Variants in ITK observed in about 807,000 individuals in gnomAD.
ITK encodes IL2 inducible T cell kinase.
Under a neutral mutation model 87.6 loss-of-function variants are expected in ITK, and 45 were observed. The observed-to-expected ratio is 0.51, with a 90% CI of 0.40 to 0.66. The LOEUF (loss-of-function observed/expected upper bound fraction) is 0.66. Ranked by LOEUF, ITK falls within the 30% of genes least tolerant of loss-of-function variation. ITK has a pLI of 0.00. For missense variants in ITK, 605 were observed against 766.3 expected, an observed-to-expected ratio of 0.79 and a Z score of 2.48; for synonymous variants, 303 against 273.6, an observed-to-expected ratio of 1.11 and a Z score of -1.06.
chr5:157,241,938 G>A (rs1037682765), intron 11 of ITK, among the ~76,000 whole-genome samples: 2 of 152,190 alleles, frequency 1.3e-5, no homozygotes, highest in Non-Finnish European at 2.9e-5. Flanking sequence ...AGTGGCCATT[G>A]GTTTTAGTGA....
rs777088703 is a variant in ITK, at chr5:157,253,855, A to G, written c.*1177A>G. 4.1e-4 allele frequency: 91 copies of G among 222,434 alleles called. No homozygotes were observed. The highest frequency in any genetic ancestry group is 6.5e-4 in the Non-Finnish European group (73 of 111,524). The allele number at this position is 222,434 out of a possible 1,614,324, so 13.8% of individuals were successfully genotyped here. A position where few individuals can be genotyped will look rare whatever the true frequency, so the allele number is the denominator to read the frequency against. On this transcript the variant is annotated 3_prime_UTR_variant, in exon 17 of 17. Transcript: ENST00000422843. The stretch of plus-strand genomic sequence containing the variant: ...GCTTCCAAGAGGCATGAGAGTGCCT[A>G]CTCTGGCTTGAGCACTTCTATATGC...
intron 3 of ITK, among the ~76,000 whole-genome samples, chr5:157,213,293 C>T (rs991653275): frequency 2.6e-5 from 4 of 152,184 alleles, no homozygotes; most frequent in African/African-American, 4.8e-5. Context: ...AAAATATCCC[C>T]GTGATCCAAT....
In ITK at chr5:157,240,447, A is replaced by T. The variant is rs867792646; in HGVS notation, c.985+252A>T. ...CCCCTGCCACATCCCTCCATGGATA[A>T]ACTGTCTTCCACAAAGCCGATCCCT... On this transcript the variant is annotated intron_variant, in intron 10 of 16. Transcript: ENST00000422843. 123 of 542,118 alleles carry T rather than the reference A, an allele frequency of 2.3e-4. No individual in the cohort carries two copies. The Middle Eastern group carries it at 2.5e-3, about 11-fold the overall frequency. 33.6% of individuals were successfully genotyped at this position (542,118 alleles called of 1,614,324 possible). A position where few individuals can be genotyped will look rare whatever the true frequency, so the allele number is the denominator to read the frequency against.
intron 1 of ITK, among the ~76,000 whole-genome samples, chr5:157,202,039 G>A (rs1421703290): frequency 6.6e-6 from 1 of 151,988 alleles, no homozygotes; most frequent in African/African-American, 2.4e-5. Flanking sequence ...ATACCCATAT[G>A]TGCTCACTTT....
At chr5:157,228,154 T>C in intron 6 of ITK, 142 bp from the exon 7 acceptor site, 1 of 670,384 alleles carries the variant, frequency 1.5e-6, no homozygotes, top group Non-Finnish European at 2.7e-6. Context: ...ATTCTTGTAT[T>C]CTAAACTTTA....
intron 5 of ITK, among the ~76,000 whole-genome samples, chr5:157,221,582 T>C (rs1345131950): frequency 6.6e-6 from 1 of 152,094 alleles, no homozygotes; most frequent in Non-Finnish European, 1.5e-5. Flanking sequence ...CAAGCTTGCA[T>C]GATTATTAGA....
chr5:157,216,674 G>A (rs1754304569), intron 4 of ITK, among the ~76,000 whole-genome samples: 1 of 152,116 alleles, frequency 6.6e-6, no homozygotes, highest in African/African-American at 2.4e-5. Flanking sequence ...GACGAAGAAA[G>A]AGAGACCAGT....
chr5:157,244,457 A>G lies in ITK; in HGVS notation c.1428A>G (p.Ala476=), dbSNP rs979488276. The G allele has an allele frequency of 6.2e-7, 1 of 1,610,756 alleles. No individual in the cohort carries two copies. The highest frequency in any genetic ancestry group is 1.7e-5 in the Admixed American group (1 of 60,014). ...AGGGCATGGCCTACCTGGAAGAGGC[A>G]TGTGTCATCCACAGAGACTTGGTAT... ...VCEGMAYLEE[A]CVIHRDLAAR... The change falls in exon 13 of 17, where the codon GCA becomes GCG. Residue 476 remains alanine (A), a synonymous_variant. Transcript: ENST00000422843.
At chr5:157,198,560 C>G (rs1012159980) in intron 1 of ITK, among the ~76,000 whole-genome samples, 5 of 152,090 alleles carry the variant, frequency 3.3e-5, no homozygotes. Flanking sequence ...GGATCAGTTT[C>G]CTGGCTTTAA....
intron 8 of ITK, 41 bp from the exon 9 acceptor site, chr5:157,238,068 T>A (rs1754812880): frequency 4.0e-6 from 6 of 1,492,704 alleles, no homozygotes; most frequent in African/African-American, 1.4e-5. Context: ...AAGCCTGGTT[T>A]CCTGAGATCA....
chr5:157,197,611 T>G (rs901907298), intron 1 of ITK, among the ~76,000 whole-genome samples: 1 of 133,184 alleles, frequency 7.5e-6, no homozygotes, highest in Non-Finnish European at 1.7e-5. Flanking sequence ...ATACATAATC[T>G]CTTCTTCCAA....
In ITK at chr5:157,246,756, A is replaced by G. The variant is rs1034899386; in HGVS notation, c.1633+757A>G. On this transcript the variant is annotated intron_variant, in intron 15 of 16. Coordinates refer to ENST00000422843, the MANE Select transcript of ITK (RefSeq NM_005546.4). ...CTGTCACCATTTGAAGAGCCAGGGA[A>G]CAGTGTCCCTGACAGAGGGACCAGC... is the stretch of plus-strand genomic sequence containing the variant. Among the ~76,000 whole-genome samples, 22 of 152,172 alleles carry G rather than the reference A, an allele frequency of 1.4e-4. 2 individuals carry two copies. The highest frequency in any genetic ancestry group is 1.3e-3 in the Admixed American group (20 of 15,288).
chr5:157,230,724 T>G (rs775556881), intron 7 of ITK, among the ~76,000 whole-genome samples: 1 of 152,242 alleles, frequency 6.6e-6, no homozygotes, highest in African/African-American at 2.4e-5. Context: ...TTTGTTCAAC[T>G]TTGCTTTTAA....
At chr5:157,208,510 T>C (rs1754124796) in intron 1 of ITK, among the ~76,000 whole-genome samples, 2 of 152,180 alleles carry the variant, frequency 1.3e-5, no homozygotes. Context: ...GCTCAATTAC[T>C]ATGCTAATAT....
At chr5:157,215,551 G>T (rs932911869) in intron 4 of ITK, among the ~76,000 whole-genome samples, 1 of 152,102 alleles carries the variant, frequency 6.6e-6, no homozygotes, top group African/African-American at 2.4e-5. Context: ...TATTCATGCG[G>T]GCCAATATTT....
At chr5:157,191,395 A>G (rs927923426) in intron 1 of ITK, among the ~76,000 whole-genome samples, 3 of 152,160 alleles carry the variant, frequency 2.0e-5, no homozygotes, top group Non-Finnish European at 4.4e-5. Context: ...ACCAAATTAG[A>G]ATTGAGTTAA....
At chr5:157,217,296 AAGAC>A (rs1169107216) in intron 4 of ITK, among the ~76,000 whole-genome samples, 1 of 152,180 alleles carries the variant, frequency 6.6e-6, no homozygotes, top group Non-Finnish European at 1.5e-5. Context: ...CAGAAAGACA[AAGAC>A]AGAGAGATGC....
At chr5:157,215,966 G>C (rs1397099244) in intron 4 of ITK, among the ~76,000 whole-genome samples, 1 of 152,176 alleles carries the variant, frequency 6.6e-6, no homozygotes, top group Non-Finnish European at 1.5e-5. Flanking sequence ...GCCAGTGGGG[G>C]AGGACTGGTC....
intron 1 of ITK, among the ~76,000 whole-genome samples, chr5:157,182,806 T>C (rs1365895455): frequency 6.6e-6 from 1 of 152,230 alleles, no homozygotes; most frequent in Non-Finnish European, 1.5e-5. Context: ...GTATTAATAA[T>C]TCCTTAGCCC....
Sources: allele counts gnomAD v4.1 joint callset (sites outside exome capture counted in the v4.1 genomes callset), GRCh38; gene constraint gnomAD v4.1.1; transcripts MANE v1.5; gene names NCBI Gene and HGNC (gene_info 2026-07-23, HGNC 2026-07-21).